The following KCNIP4 variants were observed in gnomAD, a reference collection of about 807,000 sequenced individuals.
The protein encoded by KCNIP4 is Kv channel-interacting protein 4.
In KCNIP4, 12 loss-of-function variants were observed where a neutral mutation model predicts 34.0. The ratio of observed to expected loss-of-function variants is 0.35; its 90% CI spans 0.23 to 0.57. The LOEUF (loss-of-function observed/expected upper bound fraction) is 0.57, where lower values mean the gene tolerates loss of function less well. KCNIP4 is among the 20% of genes least tolerant of loss of function. KCNIP4 has a pLI of 0.83. For missense variants in KCNIP4, 238 were observed against 311.7 expected, an observed-to-expected ratio of 0.76 and a Z score of 1.78; for synonymous variants, 124 against 102.2, an observed-to-expected ratio of 1.21 and a Z score of -1.29.
intron 1 of KCNIP4, among the ~76,000 whole-genome samples, chr4:21,048,291 C>CCTCT (rs1311795981): frequency 1.6e-4 from 24 of 152,094 alleles, no homozygotes; most frequent in Non-Finnish European, 3.4e-4. Flanking sequence ...TGATCTGGAA[C>CCTCT]ATGTAAACTC....
At chr4:21,546,188 G>T (rs982872110) in intron 1 of KCNIP4, among the ~76,000 whole-genome samples, 7 of 152,092 alleles carry the variant, frequency 4.6e-5, no homozygotes, top group Admixed American at 3.3e-4. Context: ...AATCATTGGG[G>T]ACCTATAATC....
intron 1 of KCNIP4, among the ~76,000 whole-genome samples, chr4:21,371,814 T>G (rs1344334951): frequency 6.8e-6 from 1 of 147,196 alleles, no homozygotes; most frequent in East Asian, 2.0e-4. Context: ...TTCATCATTT[T>G]AAAGGTCAAG....
intron 1 of KCNIP4, among the ~76,000 whole-genome samples, chr4:20,950,407 T>C (rs1732659051): frequency 6.6e-6 from 1 of 152,140 alleles, no homozygotes; most frequent in East Asian, 1.9e-4. Context: ...GTTGTGGATA[T>C]TTCATTCTGT....
intron 1 of KCNIP4, among the ~76,000 whole-genome samples, chr4:21,380,492 A>T (rs747599727): frequency 3.3e-5 from 5 of 151,136 alleles, no homozygotes; most frequent in Non-Finnish European, 7.4e-5. Flanking sequence ...AGAGAGGGAG[A>T]GAGAGAGATC....
At chr4:21,045,702 T>C (rs1742370440) in intron 1 of KCNIP4, among the ~76,000 whole-genome samples, 2 of 152,218 alleles carry the variant, frequency 1.3e-5, no homozygotes, top group Non-Finnish European at 2.9e-5. Context: ...ACATATTTTA[T>C]TTATTAGGAA....
chr4:21,638,465 T>C (rs531511999), intron 1 of KCNIP4, among the ~76,000 whole-genome samples: 2 of 152,168 alleles, frequency 1.3e-5, no homozygotes, highest in Non-Finnish European at 2.9e-5. Context: ...AAAAAGAAAA[T>C]TCAGGAAAAA....
intron 1 of KCNIP4, among the ~76,000 whole-genome samples, chr4:21,122,460 T>G (rs1405746444): frequency 9.7e-5 from 6 of 61,610 alleles, no homozygotes; most frequent in African/African-American, 3.5e-4. Flanking sequence ...AGATCAAGTT[T>G]TTTTTTTTTT....
rs1281543089 is a variant in KCNIP4, at chr4:21,556,920, C to CAAAAAAAAAAAAAAAAAAAAAA, written c.61+391650_61+391651insTTTTTTTTTTTTTTTTTTTTTT. ...TGATCAACAAAGCAAGACTCCATCT[C>CAAAAAAAAAAAAAAAAAAAAAA]AGAAAAAAAAAAAAAAAAAAAAACC... On this transcript the variant is annotated intron_variant, in intron 1 of 8. Coordinates refer to ENST00000382152, the MANE Select transcript of KCNIP4 (RefSeq NM_025221.6). 3.4e-4 allele frequency among the ~76,000 whole-genome samples: 12 copies of CAAAAAAAAAAAAAAAAAAAAAA among 35,640 alleles called. 2 individuals carry two copies. Among genetic ancestry groups the CAAAAAAAAAAAAAAAAAAAAAA allele is most frequent in the Middle Eastern group, 0.034 (2 of 58 alleles). The allele number at this position is 35,640 out of a possible 152,430, so 23.4% of individuals were successfully genotyped here. A position where few individuals can be genotyped will look rare whatever the true frequency, so the allele number is the denominator to read the frequency against.
intron 1 of KCNIP4, among the ~76,000 whole-genome samples, chr4:21,364,619 C>T (rs545977920): frequency 5.3e-5 from 8 of 151,050 alleles, no homozygotes; most frequent in South Asian, 4.2e-4. Flanking sequence ...TTTAATGATA[C>T]GAATTGATGA....
intron 1 of KCNIP4, among the ~76,000 whole-genome samples, chr4:21,483,208 C>T (rs58751863): frequency 6.6e-6 from 1 of 150,616 alleles, no homozygotes; most frequent in Non-Finnish European, 1.5e-5. Flanking sequence ...CACATGTACC[C>T]TACAACTTAA....
chr4:21,040,648 C>T (rs1741873833), intron 1 of KCNIP4, among the ~76,000 whole-genome samples: 1 of 151,988 alleles, frequency 6.6e-6, no homozygotes, highest in East Asian at 1.9e-4. Context: ...CTACTTTAGG[C>T]AAAGTATATA....
chr4:21,595,041 T>G (rs552523451), intron 1 of KCNIP4, among the ~76,000 whole-genome samples: 21 of 152,254 alleles, frequency 1.4e-4, no homozygotes, highest in African/African-American at 5.1e-4. Flanking sequence ...GTTACATAGG[T>G]ATACATGTGC....
intron 1 of KCNIP4, among the ~76,000 whole-genome samples, chr4:21,055,314 T>C (rs1475460172): frequency 6.6e-6 from 1 of 152,198 alleles, no homozygotes; most frequent in Non-Finnish European, 1.5e-5. Context: ...TATGCATTGC[T>C]GTTGAAAAAG....
intron 3 of KCNIP4, among the ~76,000 whole-genome samples, chr4:20,819,076 G>T (rs905403115): frequency 6.6e-6 from 1 of 151,812 alleles, no homozygotes; most frequent in African/African-American, 2.4e-5. Flanking sequence ...TAGAGACAGG[G>T]TTTCTCCATG....
rs1716514430 is a variant in KCNIP4 at position 21,742,915 on chromosome 4, C to T, written c.61+205656G>A. ...TAGTGGGATAGATATGCCTTTATTG[C>T]ATTTATATTTTCTATAATACACACG... On this transcript the variant is annotated intron_variant, in intron 1 of 8. Coordinates refer to ENST00000382152, the MANE Select transcript of KCNIP4 (RefSeq NM_025221.6). Among the ~76,000 whole-genome samples the T allele has an allele frequency of 3.3e-5, 5 of 151,896 alleles. No homozygotes were observed. In the South Asian group the frequency reaches 1.0e-3, roughly 32 times the overall value.
intron 1 of KCNIP4, among the ~76,000 whole-genome samples, chr4:21,788,757 T>C (rs1720075552): frequency 6.6e-6 from 1 of 152,086 alleles, no homozygotes; most frequent in South Asian, 2.1e-4. Flanking sequence ...TAAGTAGATA[T>C]GCTTATGTCA....
At chr4:21,793,635 A>G (rs7697044) in intron 1 of KCNIP4, among the ~76,000 whole-genome samples, 145,846 of 152,240 alleles carry the variant, frequency 0.96, 70,135 homozygotes, top group East Asian at 1. Context: ...GACAGAGTTC[A>G]GAAAAGAAAT....
At chr4:20,811,491 A>ATGTGTGTGTGTGTG (rs754289052) in intron 3 of KCNIP4, among the ~76,000 whole-genome samples, 2 of 147,514 alleles carry the variant, frequency 1.4e-5, no homozygotes, top group Admixed American at 6.8e-5. Flanking sequence ...GTGTGTGTGC[A>ATGTGTGTGTGTGTG]TGTGTGTGTG....
chr4:20,785,651 G>A (rs557637946), intron 3 of KCNIP4, among the ~76,000 whole-genome samples: 1 of 152,122 alleles, frequency 6.6e-6, no homozygotes, highest in Non-Finnish European at 1.5e-5. Flanking sequence ...GTGAATTTTG[G>A]AAAAATTTGA....
Sources: allele counts gnomAD v4.1 joint callset (sites outside exome capture counted in the v4.1 genomes callset), GRCh38; gene constraint gnomAD v4.1.1; transcripts MANE v1.5; gene names NCBI Gene and HGNC (gene_info 2026-07-23, HGNC 2026-07-21).